ANKRD52: variants seen among roughly 807,000 people sequenced by gnomAD.
ANKRD52 encodes ankyrin repeat domain 52, also known as serine/threonine-protein phosphatase 6 regulatory ankyrin repeat subunit C.
In ANKRD52, 7 loss-of-function variants were observed where a neutral mutation model predicts 116.0. That is an observed-to-expected ratio of 0.06 (90% CI 0.03 to 0.11). The LOEUF is 0.11. Among genes scored for constraint, ANKRD52 ranks in the 10% least tolerant of loss-of-function variants. ANKRD52 has a pLI of 1.00. For missense variants in ANKRD52, 839 were observed against 1,408.6 expected (o/e 0.60, Z 6.47); for synonymous variants, 528 against 578.1 (o/e 0.91, Z 1.24).
Position 56,257,909 on chromosome 12 carries a change from C to A in ANKRD52, c.30G>T (p.Pro10=). Residue 10 remains proline (P), a splice_region_variant and synonymous_variant, in exon 2 of 28, where the codon CCG becomes CCT. Transcript: ENST00000267116. MGILSITDQ[P]PLVQAIFSRD... ...GGCTAAAGATGGCCTGGACCAGGGG[C>A]GGCTGCAGAGAGAACCGGCATTCTG... The A allele has an allele frequency of 6.5e-7, 1 of 1,540,784 alleles. No individual in the cohort carries two copies. Among genetic ancestry groups the A allele is most frequent in the South Asian group, 1.1e-5 (1 of 89,968 alleles).
chr12:56,258,127 G>A lies in ANKRD52; in HGVS notation c.27+116C>T, dbSNP rs889310362. The A allele has an allele frequency of 8.7e-6, 13 of 1,498,642 alleles. No individual in the cohort carries two copies. The Middle Eastern group carries it at 8.8e-4, about 102-fold the overall frequency. The allele number at this position is 1,498,642 out of a possible 1,614,324, so 92.8% of individuals were successfully genotyped here. On this transcript the variant is annotated intron_variant, in intron 1 of 27. Coordinates refer to ENST00000267116, the MANE Select transcript of ANKRD52 (RefSeq NM_173595.4). ...TGAGGGGAGCGCGGCATGGGGCGGG[G>A]CGGGAGCTGCGGGAGCCCCGGGCTC... is the stretch of plus-strand genomic sequence containing the variant.
Position 56,252,163 on chromosome 12 carries a change from T to C in ANKRD52, c.1511+12A>G, listed in dbSNP as rs771967813. 6.2e-7 allele frequency: 1 copy of C among 1,613,926 alleles called. No homozygotes were observed. The highest frequency in any genetic ancestry group is 1.7e-5 in the Admixed American group (1 of 60,014). On this transcript the variant is annotated intron_variant, in intron 14 of 27. Transcript: ENST00000267116. The surrounding 1 kb of genome is among the most constrained non-coding windows in gnomAD (Gnocchi z 4.7). ...TGAATGGGGCTGAGAAGGACCAGACTGGTAGCCTCACCTCCTGTAAGTGTC... is the reference window on the plus strand; with the variant it reads ...TGAATGGGGCTGAGAAGGACCAGACCGGTAGCCTCACCTCCTGTAAGTGTC...
At position 56,258,303 on chromosome 12, in the gene ANKRD52, C is replaced by CG; in HGVS notation, c.-35dup. The CG allele has an allele frequency of 6.8e-7, 1 of 1,463,144 alleles. No individual in the cohort carries two copies. Among genetic ancestry groups the CG allele is most frequent in the Non-Finnish European group, 9.1e-7 (1 of 1,100,686 alleles). The allele number at this position is 1,463,144 out of a possible 1,614,324, so 90.6% of individuals were successfully genotyped here. A position where few individuals can be genotyped will look rare whatever the true frequency, so the allele number is the denominator to read the frequency against. ...CCGGGCTCCGTCCGCATCGAGCTCC[C>CG]GGCGGCGGCGGCGGCGGCTCCACCG... On this transcript the variant is annotated 5_prime_UTR_variant, in exon 1 of 28. Coordinates refer to ENST00000267116, the MANE Select transcript of ANKRD52 (RefSeq NM_173595.4).
Position 56,254,439 on chromosome 12 carries a change from C to T in ANKRD52, c.693+139G>A. The T allele has an allele frequency of 6.9e-7, 1 of 1,455,070 alleles. No homozygotes were observed. The highest frequency in any genetic ancestry group is 9.3e-7 in the Non-Finnish European group (1 of 1,079,226). 90.1% of individuals were successfully genotyped at this position (1,455,070 alleles called of 1,614,324 possible). On this transcript the variant is annotated intron_variant, in intron 7 of 27. Coordinates refer to ENST00000267116, the MANE Select transcript of ANKRD52 (RefSeq NM_173595.4). The surrounding 1 kb of genome is among the most constrained non-coding windows in gnomAD (Gnocchi z 4.6). Reference sequence around the variant, plus strand: ...CTAAGGGCACTATGGCTAAGGTAAGCATTATTCAGACCCTCTCTACCACGT... The same window carrying T: ...CTAAGGGCACTATGGCTAAGGTAAGTATTATTCAGACCCTCTCTACCACGT...
chr12:56,257,428 A>C, intron 2 of ANKRD52, 67 bp from the exon 3 acceptor site: 1 of 1,363,840 alleles, frequency 7.3e-7, no homozygotes, highest in Non-Finnish European at 1.0e-6. Context: ...ACCCCAGCCC[A>C]AGTCTCAGAG....
intron 15 of ANKRD52, among the ~76,000 whole-genome samples, chr12:56,250,732 A>AT (rs1425501297): frequency 6.8e-6 from 1 of 147,900 alleles, no homozygotes; most frequent in Non-Finnish European, 1.5e-5. Context: ...AAATAAATTA[A>AT]TTAAAAAAAA....
chr12:56,249,354 T>C (rs1871575471), intron 15 of ANKRD52, among the ~76,000 whole-genome samples: 1 of 152,134 alleles, frequency 6.6e-6, no homozygotes, highest in African/African-American at 2.4e-5. Context: ...CATACCTTAG[T>C]AGTAGTTGTA....
Position 56,237,972 on chromosome 12 carries a change from C to A in ANKRD52, c.*5170G>T, listed in dbSNP as rs1555156740. On this transcript the variant is annotated 3_prime_UTR_variant, in exon 28 of 28. Coordinates refer to ENST00000267116, the MANE Select transcript of ANKRD52 (RefSeq NM_173595.4). ...TGGAGGGTGCAGGGTCATTAATCTG[C>A]GGGGAGAACATTGTGCTTTAGCCCA... The A allele has an allele frequency of 9.2e-6, 2 of 217,980 alleles. No homozygotes were observed. The highest frequency in any genetic ancestry group is 1.8e-5 in the Non-Finnish European group (2 of 111,466). The allele number at this position is 217,980 out of a possible 1,614,324, so 13.5% of individuals were successfully genotyped here. A position where few individuals can be genotyped will look rare whatever the true frequency, so the allele number is the denominator to read the frequency against.
In ANKRD52 at chr12:56,247,514, GC is replaced by G; in HGVS notation, c.2162del (p.Gly721AlafsTer10). ...TCACCCCGCGGTGGAGGGCAGTGCG[GC>G]CCCGGAGGTCAGCAGCATCAGCTGT... ...GSTADAADLR[G>X]RTALHRGAVT... On this transcript the variant is annotated frameshift_variant, in exon 20 of 28. Coordinates refer to ENST00000267116, the MANE Select transcript of ANKRD52 (RefSeq NM_173595.4). LOFTEE classifies it high-confidence loss of function. 1.3e-6 allele frequency: 2 copies of G among 1,587,244 alleles called. No individual in the cohort carries two copies. Among genetic ancestry groups the G allele is most frequent in the East Asian group, 2.3e-5 (1 of 43,800 alleles).
chr12:56,247,968 C>G, intron 18 of ANKRD52, 55 bp downstream of exon 18: 1 of 1,519,352 alleles, frequency 6.6e-7, no homozygotes, highest in Non-Finnish European at 8.9e-7. Context: ...CCATTCCCAT[C>G]CAGGAGGGAT....
rs776423425 is a variant in ANKRD52, at chr12:56,253,302, G to A, written c.1086C>T (p.Gly362=). The A allele has an allele frequency of 1.1e-5, 17 of 1,613,468 alleles. No homozygotes were observed. In the East Asian group the frequency reaches 1.1e-4, roughly 11 times the overall value. Residue 362 remains glycine (G), a synonymous_variant, in exon 10 of 28, where the codon GGC becomes GGT. Coordinates refer to ENST00000267116, the MANE Select transcript of ANKRD52 (RefSeq NM_173595.4). The surrounding 1 kb of genome is among the most constrained non-coding windows in gnomAD (Gnocchi z 5.5). ...ELLISTLMTN[G]ADTARRGIHD... is the part of the protein sequence containing the mutation. The stretch of plus-strand genomic sequence containing the variant: ...CCCTGACTCACCGGGCGGTATCTGC[G>A]CCATTGGTCATGAGGGTGCTGATGA...
chr12:56,251,447 T>A (rs1490668130), intron 15 of ANKRD52, among the ~76,000 whole-genome samples: 1 of 151,836 alleles, frequency 6.6e-6, no homozygotes, highest in Non-Finnish European at 1.5e-5. Flanking sequence ...GGTTTCACCA[T>A]GTTGGTCAAG....
chr12:56,254,835 T>A lies in ANKRD52; in HGVS notation c.550+30A>T. The A allele has an allele frequency of 6.2e-7, 1 of 1,607,618 alleles. No homozygotes were observed. Among genetic ancestry groups the A allele is most frequent in the Non-Finnish European group, 8.5e-7 (1 of 1,174,368 alleles). On this transcript the variant is annotated intron_variant, in intron 6 of 27. Transcript: ENST00000267116. The surrounding 1 kb of genome is among the most constrained non-coding windows in gnomAD (Gnocchi z 4.6). ...TGCCCTAGGAATCCTAAATGTCAAA[T>A]TTCTGATTTTCCCGTGTATTCTCTC...
Position 56,242,381 on chromosome 12 carries a change from T to C in ANKRD52, c.*761A>G. 1 of 385,676 alleles carries C rather than the reference T, an allele frequency of 2.6e-6. No individual in the cohort carries two copies. The highest frequency in any genetic ancestry group is 3.7e-5 in the East Asian group (1 of 27,242). 23.9% of individuals were successfully genotyped at this position (385,676 alleles called of 1,614,324 possible). ...AAGAAGATAAAAGAAAGAAGCAAGGTTAAAGTGCGTGGTTAGGGGCCAGGC... is the reference window on the plus strand; with the variant it reads ...AAGAAGATAAAAGAAAGAAGCAAGGCTAAAGTGCGTGGTTAGGGGCCAGGC... On this transcript the variant is annotated 3_prime_UTR_variant, in exon 28 of 28. Coordinates refer to ENST00000267116, the MANE Select transcript of ANKRD52 (RefSeq NM_173595.4). The surrounding 1 kb of genome is among the most constrained non-coding windows in gnomAD (Gnocchi z 4.3).
rs1206986775 is a variant in ANKRD52, at chr12:56,255,190, ACT to A, written c.463-240_463-239del. On this transcript the variant is annotated intron_variant, in intron 5 of 27. Coordinates refer to ENST00000267116, the MANE Select transcript of ANKRD52 (RefSeq NM_173595.4). The surrounding 1 kb of genome is among the most constrained non-coding windows in gnomAD (Gnocchi z 4.3). Reference sequence around the variant, plus strand: ...CTTCAGGTGATCTGGTGGTTCTTAAACTCTTTTTTTTTTTTTTTTTGAGACAG... The same window carrying A: ...CTTCAGGTGATCTGGTGGTTCTTAAACTTTTTTTTTTTTTTTTTGAGACAG... 2.1e-3 allele frequency: 845 copies of A among 410,544 alleles called. 7 individuals are homozygous for A. Among genetic ancestry groups the A allele is most frequent in the African/African-American group, 0.016 (780 of 47,414 alleles). The allele number at this position is 410,544 out of a possible 1,614,324, so 25.4% of individuals were successfully genotyped here.
At position 56,245,178 on chromosome 12, in the gene ANKRD52, C is replaced by G; in HGVS notation, c.2417G>C (p.Cys806Ser). ...HWASYTGHED[C>S]LELLLEHSPF... ...GCTGTGTTCAAGTAACAACTCCAGACAATCTTCATGTCCTGGGCACGAGGA... is the reference window on the plus strand; with the variant it reads ...GCTGTGTTCAAGTAACAACTCCAGAGAATCTTCATGTCCTGGGCACGAGGA... The change falls in exon 22 of 28, where the codon TGT (cysteine) becomes TCT (serine). Residue 806 changes from cysteine to serine, a missense_variant. Physicochemically the swap from Cys to Ser is moderately radical, Grantham distance 112. Coordinates refer to ENST00000267116, the MANE Select transcript of ANKRD52 (RefSeq NM_173595.4). The G allele has an allele frequency of 6.2e-7, 1 of 1,613,896 alleles. No homozygotes were observed. Among genetic ancestry groups the G allele is most frequent in the Non-Finnish European group, 8.5e-7 (1 of 1,179,848 alleles).
Position 56,252,197 on chromosome 12 carries a change from C to T in ANKRD52, c.1489G>A (p.Ala497Thr). The change falls in exon 14 of 28, where the codon GCC becomes ACC. Residue 497 changes from alanine (A) to threonine (T), a missense_variant. Physicochemically the swap from Ala to Thr is moderately conservative, Grantham distance 58. Transcript: ENST00000267116. This position sits in a 1 kb window ranked among gnomAD's most constrained non-coding sequence, Gnocchi z 4.7. ...CKGCSPLHYA[A>T]ASDTYRRAEP... Reference sequence around the variant, plus strand: ...CACCTCCTGTAAGTGTCAGAAGCGGCAGCGTAGTGGAGGGGAGAGCAGCCT... The same window carrying T: ...CACCTCCTGTAAGTGTCAGAAGCGGTAGCGTAGTGGAGGGGAGAGCAGCCT... 1 of 1,613,988 alleles carries T rather than the reference C, an allele frequency of 6.2e-7. No individual in the cohort carries two copies. The highest frequency in any genetic ancestry group is 8.5e-7 in the Non-Finnish European group (1 of 1,179,876).
At chr12:56,257,176 G>C (rs981755735) in intron 3 of ANKRD52, 91 bp from the exon 4 acceptor site, 4 of 1,554,370 alleles carry the variant, frequency 2.6e-6, no homozygotes, top group Admixed American at 3.8e-5. Context: ...AATGGAGCTG[G>C]AGCCTCGCCT....
intron 15 of ANKRD52, among the ~76,000 whole-genome samples, chr12:56,250,941 T>C (rs1802731765): frequency 6.6e-6 from 1 of 151,978 alleles, no homozygotes. Context: ...TAATTTTATT[T>C]ATTTATTTGT....
Sources: allele counts gnomAD v4.1 joint callset (sites outside exome capture counted in the v4.1 genomes callset), GRCh38; gene constraint gnomAD v4.1.1; non-coding constraint Gnocchi (gnomAD v3.1); transcripts MANE v1.5; gene names NCBI Gene and HGNC (gene_info 2026-07-23, HGNC 2026-07-21).